Variants in ROBO2 observed in about 807,000 individuals in gnomAD.
ROBO2 encodes roundabout guidance receptor 2.
A neutral mutation model predicts 160.8 loss-of-function variants in ROBO2; 53 were observed. The observed-to-expected ratio is 0.33, with a 90% CI of 0.26 to 0.41. ROBO2 has a LOEUF of 0.41. ROBO2 is among the 10% of genes least tolerant of loss of function. The pLI, the probability that ROBO2 is intolerant of heterozygous loss-of-function variation, is 1.00. For synonymous variants in ROBO2, 664 were observed against 611.7 expected (o/e 1.09, Z -1.26); for missense variants, 1,577 against 1,722.4 (o/e 0.92, Z 1.49).
At chr3:76,117,096 T>C (rs2070504006) in intron 2 of ROBO2, among the ~76,000 whole-genome samples, 1 of 152,214 alleles carries the variant, frequency 6.6e-6, no homozygotes, top group Non-Finnish European at 1.5e-5. Flanking sequence ...TTTAAAACAT[T>C]CTAATGTAGA....
At chr3:77,432,797 A>T (rs1227266814) in intron 2 of ROBO2, among the ~76,000 whole-genome samples, 1 of 152,030 alleles carries the variant, frequency 6.6e-6, no homozygotes, top group African/African-American at 2.4e-5. Flanking sequence ...AATTCATGCT[A>T]CCCTAGTCGA....
At chr3:75,965,733 C>G (rs546577571) in intron 2 of ROBO2, among the ~76,000 whole-genome samples, 1 of 151,408 alleles carries the variant, frequency 6.6e-6, no homozygotes, top group Admixed American at 6.6e-5. Flanking sequence ...CATATTTTAC[C>G]AAAGAAGAAA....
chr3:76,892,172 C>A (rs775270991), intron 2 of ROBO2, among the ~76,000 whole-genome samples: 1 of 151,952 alleles, frequency 6.6e-6, no homozygotes, highest in Non-Finnish European at 1.5e-5. Context: ...CAGGAGCATG[C>A]CGAATTCTGT....
intron 2 of ROBO2, among the ~76,000 whole-genome samples, chr3:77,219,608 G>C (rs34874582): frequency 0.34 from 50,487 of 148,666 alleles, 9,876 homozygotes; most frequent in Middle Eastern, 0.52. Flanking sequence ...TTGTTGTTCT[G>C]CATTTTACTA....
At chr3:76,121,335 G>A (rs1421159915) in intron 2 of ROBO2, among the ~76,000 whole-genome samples, 1 of 152,126 alleles carries the variant, frequency 6.6e-6, no homozygotes, top group Non-Finnish European at 1.5e-5. Context: ...GAGTAGTAAG[G>A]AGGGGGGAGG....
At chr3:77,329,317 G>A (rs2065756325) in intron 2 of ROBO2, among the ~76,000 whole-genome samples, 1 of 152,202 alleles carries the variant, frequency 6.6e-6, no homozygotes, top group African/African-American at 2.4e-5. Flanking sequence ...AGAATTGGCA[G>A]AACTTTGGAA....
At chr3:75,992,225 T>C (rs776335563) in intron 2 of ROBO2, among the ~76,000 whole-genome samples, 1 of 152,100 alleles carries the variant, frequency 6.6e-6, no homozygotes, top group African/African-American at 2.4e-5. Flanking sequence ...GAAAGGTCTT[T>C]GTGGTAGCCC....
At chr3:76,117,790 T>G (rs755234221) in intron 2 of ROBO2, among the ~76,000 whole-genome samples, 2 of 152,174 alleles carry the variant, frequency 1.3e-5, no homozygotes, top group African/African-American at 4.8e-5. Flanking sequence ...CAAATGAATT[T>G]TAAACAAAAA....
intron 2 of ROBO2, among the ~76,000 whole-genome samples, chr3:76,322,365 T>C (rs1356030271): frequency 1.3e-5 from 2 of 151,920 alleles, no homozygotes; most frequent in Middle Eastern, 3.4e-3. Context: ...TTATATGTTA[T>C]CAGTTATCAT....
chr3:77,458,113 G>A (rs1004882565), intron 2 of ROBO2, among the ~76,000 whole-genome samples: 1 of 152,096 alleles, frequency 6.6e-6, no homozygotes, highest in Non-Finnish European at 1.5e-5. Flanking sequence ...CCATTTCACA[G>A]ATGAAGAAAC....
chr3:77,495,967 T>C (rs974934670), intron 5 of ROBO2, among the ~76,000 whole-genome samples: 4 of 152,214 alleles, frequency 2.6e-5, no homozygotes, highest in African/African-American at 7.2e-5. Context: ...TGCTACACTG[T>C]TCTCTAAATC....
intron 2 of ROBO2, among the ~76,000 whole-genome samples, chr3:76,712,670 G>GT (rs1476428779): frequency 6.6e-6 from 1 of 150,630 alleles, no homozygotes; most frequent in Admixed American, 6.6e-5. Flanking sequence ...GTGAGATGCC[G>GT]TCTCAAAAAA....
chr3:77,362,379 T>C (rs182191891), intron 2 of ROBO2, among the ~76,000 whole-genome samples: 4 of 152,108 alleles, frequency 2.6e-5, no homozygotes, highest in Admixed American at 2.6e-4. Context: ...GTAAGAAAGA[T>C]TCAAACTAAA....
At chr3:75,911,176 G>A (rs1946565617) in intron 1 of ROBO2, among the ~76,000 whole-genome samples, 1 of 152,144 alleles carries the variant, frequency 6.6e-6, no homozygotes, top group Non-Finnish European at 1.5e-5. Flanking sequence ...TTGAAGAACT[G>A]TGATAAGAAT....
intron 2 of ROBO2, among the ~76,000 whole-genome samples, chr3:76,959,983 T>G (rs1413602584): frequency 4.6e-5 from 7 of 152,142 alleles, no homozygotes; most frequent in African/African-American, 7.2e-5. Context: ...TTATATATTT[T>G]TCTTGAAAAT....
intron 2 of ROBO2, among the ~76,000 whole-genome samples, chr3:76,105,434 G>A (rs2069880800): frequency 6.6e-6 from 1 of 152,092 alleles, no homozygotes; most frequent in South Asian, 2.1e-4. Context: ...GAGGCTTGTA[G>A]CATATTATTC....
intron 2 of ROBO2, among the ~76,000 whole-genome samples, chr3:75,969,462 T>G (rs1259510534): frequency 6.6e-6 from 1 of 151,570 alleles, no homozygotes; most frequent in East Asian, 2.0e-4. Context: ...ATTCAGTAGC[T>G]CTATTTTAAA....
At chr3:77,491,609 A>G (rs1050250116) in intron 4 of ROBO2, among the ~76,000 whole-genome samples, 3 of 152,158 alleles carry the variant, frequency 2.0e-5, no homozygotes, top group Admixed American at 6.5e-5. Flanking sequence ...GTAACACTAA[A>G]TTATTTTATC....
chr3:76,812,986 C>T (rs1300989114), intron 2 of ROBO2, among the ~76,000 whole-genome samples: 6 of 137,386 alleles, frequency 4.4e-5, no homozygotes, highest in Admixed American at 3.1e-4. Flanking sequence ...TTAGGAGATT[C>T]CTCAAATAGT....
Sources: gnomAD v4.1 joint callset for allele counts (sites outside exome capture counted in the v4.1 genomes callset) on GRCh38, gnomAD v4.1.1 for gene constraint, MANE v1.5 for transcripts, NCBI Gene and HGNC (gene_info 2026-07-23, HGNC 2026-07-21) for gene names.